The following GPR146 variants were observed in gnomAD, a reference collection of about 807,000 sequenced individuals.
GPR146 encodes G-protein coupled receptor 146.
For missense variants in GPR146, 381 were observed against 213.9 expected, an observed-to-expected ratio of 1.78 and a Z score of -4.87; for synonymous variants, 203 against 104.3, an observed-to-expected ratio of 1.95 and a Z score of -5.77.
At chr7:1,047,145 A>G (rs1782656391) in intron 1 of GPR146, among the ~76,000 whole-genome samples, 2 of 152,240 alleles carry the variant, frequency 1.3e-5, no homozygotes, top group Non-Finnish European at 2.9e-5. Context: ...CCAAGTAAAC[A>G]AAAGAATGCT....
chr7:1,054,122 G>A (rs901604648), intron 1 of GPR146, among the ~76,000 whole-genome samples: 3 of 152,338 alleles, frequency 2.0e-5, no homozygotes, highest in Non-Finnish European at 2.9e-5. Context: ...GTCCCCCAGA[G>A]CCCACGGAGC....
chr7:1,057,498 G>C lies in GPR146; in HGVS notation c.-18G>C. ...CTGTTCCTTCTTTCCGCAGGGTCGC[G>C]GAGCCTCGCCGGCCGCCATGTGGAG... On this transcript the variant is annotated 5_prime_UTR_variant, in exon 2 of 2. Transcript: ENST00000444847. 1 of 755,104 alleles carries C rather than the reference G, an allele frequency of 1.3e-6. No homozygotes were observed. The highest frequency in any genetic ancestry group is 1.7e-5 in the Admixed American group (1 of 57,886). The allele number at this position is 755,104 out of a possible 1,614,324, so 46.8% of individuals were successfully genotyped here. A position where few individuals can be genotyped will look rare whatever the true frequency, so the allele number is the denominator to read the frequency against.
At position 1,058,569 on chromosome 7, in the gene GPR146, G is replaced by GC. The variant is rs1339265596; in HGVS notation, c.*52_*53insC. Reference sequence around the variant, plus strand: ...GACTCTGGTGGACGCAGAGCACTTAGTTACCCTGGACGCTCCCCACATCCT... The same window carrying GC: ...GACTCTGGTGGACGCAGAGCACTTAGCTTACCCTGGACGCTCCCCACATCCT... On this transcript the variant is annotated 3_prime_UTR_variant, in exon 2 of 2. Coordinates refer to ENST00000444847, the MANE Select transcript of GPR146 (RefSeq NM_001303473.2). 1.4e-6 allele frequency: 1 copy of GC among 726,144 alleles called. No individual in the cohort carries two copies. The highest frequency in any genetic ancestry group is 2.5e-5 in the East Asian group (1 of 40,602). The allele number at this position is 726,144 out of a possible 1,614,324, so 45.0% of individuals were successfully genotyped here.
At chr7:1,048,603 G>A (rs1325347564) in intron 1 of GPR146, among the ~76,000 whole-genome samples, 3 of 152,184 alleles carry the variant, frequency 2.0e-5, no homozygotes. Flanking sequence ...TTTCAGCCAA[G>A]TTCACCTCAC....
At chr7:1,050,686 G>A (rs112801772) in intron 1 of GPR146, among the ~76,000 whole-genome samples, 3,948 of 152,292 alleles carry the variant, frequency 0.026, 64 homozygotes, top group Non-Finnish European at 0.03. Context: ...AATCGCAGTC[G>A]GAGCCCAGCA....
At chr7:1,051,266 G>T (rs1783087098) in intron 1 of GPR146, among the ~76,000 whole-genome samples, 1 of 152,260 alleles carries the variant, frequency 6.6e-6, no homozygotes. Flanking sequence ...TTCCTGTGTG[G>T]AAATGTCACT....
intron 1 of GPR146, chr7:1,056,647 T>C (rs1009174722): frequency 5.1e-4 from 77 of 152,386 alleles, no homozygotes; most frequent in African/African-American, 1.6e-3. Context: ...GGTCTTGCAG[T>C]GGCAGGACTC....
chr7:1,057,886 G>A lies in GPR146; in HGVS notation c.371G>A (p.Ser124Asn). 1.3e-6 allele frequency: 1 copy of A among 776,926 alleles called. No individual in the cohort carries two copies. Among genetic ancestry groups the A allele is most frequent in the East Asian group, 2.4e-5 (1 of 41,244 alleles). 48.1% of individuals were successfully genotyped at this position (776,926 alleles called of 1,614,324 possible). A position where few individuals can be genotyped will look rare whatever the true frequency, so the allele number is the denominator to read the frequency against. ...LVAMYSTALLSLDHYIERALP... is the reference protein window; with the variant it reads ...LVAMYSTALLNLDHYIERALP... ...GCCATGTACTCCACCGCCCTGCTGA[G>A]CCTCGACCACTACATCGAGCGTGCA... Residue 124 changes from serine to asparagine, a missense_variant, in exon 2 of 2, where the codon AGC becomes AAC. Ser to Asn is a conservative substitution (Grantham distance 46, BLOSUM62 1). Transcript: ENST00000444847.
At chr7:1,050,205 C>T (rs774122914) in intron 1 of GPR146, among the ~76,000 whole-genome samples, 21 of 152,256 alleles carry the variant, frequency 1.4e-4, no homozygotes, top group Admixed American at 1.1e-3. Flanking sequence ...TGCCTGTGCA[C>T]CCTGTGGGCA....
rs546730816 is a variant in GPR146 at position 1,055,022 on chromosome 7, C to T, written c.-24-2470C>T. ...AGGGGCGGCTGCATGGACCTGGACA[C>T]GTGTCTGCCTGACCTGCCCCCAGGC... On this transcript the variant is annotated intron_variant, in intron 1 of 1. Coordinates refer to ENST00000444847, the MANE Select transcript of GPR146 (RefSeq NM_001303473.2). Among the ~76,000 whole-genome samples, 7 of 152,286 alleles carry T rather than the reference C, an allele frequency of 4.6e-5. No homozygotes were observed. In the South Asian group the frequency reaches 8.3e-4, roughly 18 times the overall value.
chr7:1,058,025 T>C lies in GPR146; in HGVS notation c.510T>C (p.His170=), dbSNP rs149652676. 3.1e-4 allele frequency: 239 copies of C among 769,684 alleles called. No individual in the cohort carries two copies. The African/African-American group carries it at 3.4e-3, about 11-fold the overall frequency. The allele number at this position is 769,684 out of a possible 1,614,324, so 47.7% of individuals were successfully genotyped here. A position where few individuals can be genotyped will look rare whatever the true frequency, so the allele number is the denominator to read the frequency against. Residue 170 remains histidine (H), a synonymous_variant, in exon 2 of 2, where the codon CAT becomes CAC. Transcript: ENST00000444847. ...FSSLLFYICS[H]VSTRALECAK... ...CGCTGCTCTTCTACATCTGCAGCCA[T>C]GTGTCCACCCGCGCGCTAGAGTGCG...
chr7:1,048,324 A>C (rs1290793559), intron 1 of GPR146, among the ~76,000 whole-genome samples: 1 of 152,194 alleles, frequency 6.6e-6, no homozygotes, highest in Non-Finnish European at 1.5e-5. Context: ...CAGCAACATC[A>C]AAAGCGATGG....
chr7:1,047,852 T>C (rs1030506985), intron 1 of GPR146, among the ~76,000 whole-genome samples: 6 of 152,178 alleles, frequency 3.9e-5, no homozygotes, highest in Non-Finnish European at 7.4e-5. Context: ...AGTGGGGAAA[T>C]TGGATCACTC....
At chr7:1,055,332 C>T (rs768150907) in intron 1 of GPR146, 145 of 471,152 alleles carry the variant, frequency 3.1e-4, no homozygotes, top group Non-Finnish European at 5.8e-4. Flanking sequence ...GGCGGCCAGG[C>T]GCGCTGCTGA....
chr7:1,057,608 G>C lies in GPR146; in HGVS notation c.93G>C (p.Leu31=), dbSNP rs775750335. The C allele has an allele frequency of 2.1e-5, 16 of 769,886 alleles. No individual in the cohort carries two copies. Among genetic ancestry groups the C allele is most frequent in the Non-Finnish European group, 3.6e-5 (15 of 415,486 alleles). The allele number at this position is 769,886 out of a possible 1,614,324, so 47.7% of individuals were successfully genotyped here. A position where few individuals can be genotyped will look rare whatever the true frequency, so the allele number is the denominator to read the frequency against. ...DLQLGLSLLS[L]LGLVVGVPVG... Reference sequence around the variant, plus strand: ...AGCTGGGGCTGTCACTGTTGTCGCTGCTGGGCCTGGTGGTGGGCGTGCCAG... The same window carrying C: ...AGCTGGGGCTGTCACTGTTGTCGCTCCTGGGCCTGGTGGTGGGCGTGCCAG... The change falls in exon 2 of 2, where the codon CTG becomes CTC. Residue 31 remains leucine, a synonymous_variant. Coordinates refer to ENST00000444847, the MANE Select transcript of GPR146 (RefSeq NM_001303473.2).
rs180784814 is a variant in GPR146, at chr7:1,052,894, G to A, written c.-24-4598G>A. Among the ~76,000 whole-genome samples, 56 of 152,256 alleles carry A rather than the reference G, an allele frequency of 3.7e-4. 1 individual carries two copies. In the East Asian group the frequency reaches 8.7e-3, roughly 24 times the overall value. On this transcript the variant is annotated intron_variant, in intron 1 of 1. Transcript: ENST00000444847. This position sits in a 1 kb window ranked among gnomAD's most constrained non-coding sequence, Gnocchi z 4.2. ...GGAGCCTCCAGAATCTTTCATCGCC[G>A]CCACAACAAACTCAGGCTTTCGTGT...
At chr7:1,046,140 T>TA (rs995821997) in intron 1 of GPR146, among the ~76,000 whole-genome samples, 5 of 152,194 alleles carry the variant, frequency 3.3e-5, no homozygotes, top group African/African-American at 1.2e-4. Context: ...TATGCTCGTG[T>TA]AATTTACAGT....
At chr7:1,045,009 C>A (rs1782448611) in intron 1 of GPR146, among the ~76,000 whole-genome samples, 1 of 152,262 alleles carries the variant, frequency 6.6e-6, no homozygotes, top group Non-Finnish European at 1.5e-5. Flanking sequence ...TGACTGCTTT[C>A]GGCCCCTTCT....
Position 1,058,213 on chromosome 7 carries a change from G to T in GPR146, c.698G>T (p.Arg233Met). The part of the protein sequence containing the change: ...DTGRLEPSAH[R>M]LLVATVCTQF... The stretch of plus-strand genomic sequence containing the variant: ...GGCCGGCTGGAGCCCTCGGCACACA[G>T]GCTGCTGGTGGCCACCGTGTGCACG... The change falls in exon 2 of 2, where the codon AGG (arginine) becomes ATG (methionine). Residue 233 changes from arginine (R) to methionine (M), a missense_variant. Physicochemically the swap from Arg to Met is moderately conservative, Grantham distance 91 (BLOSUM62 -1). Transcript: ENST00000444847. The T allele has an allele frequency of 1.3e-6, 1 of 752,796 alleles. No individual in the cohort carries two copies. Among genetic ancestry groups the T allele is most frequent in the East Asian group, 2.4e-5 (1 of 40,868 alleles). The allele number at this position is 752,796 out of a possible 1,614,324, so 46.6% of individuals were successfully genotyped here. A position where few individuals can be genotyped will look rare whatever the true frequency, so the allele number is the denominator to read the frequency against.
Sources: gnomAD v4.1 joint callset for allele counts (sites outside exome capture counted in the v4.1 genomes callset) on GRCh38, gnomAD v4.1.1 for gene constraint, Gnocchi (gnomAD v3.1) non-coding constraint, MANE v1.5 for transcripts, NCBI Gene and HGNC (gene_info 2026-07-23, HGNC 2026-07-21) for gene names.